Variants in PHF2 observed in about 807,000 individuals in gnomAD.
PHF2 encodes PHD finger protein 2.
In PHF2, 27 loss-of-function variants were observed where a neutral mutation model predicts 120.5. The ratio of observed to expected loss-of-function variants is 0.22; its 90% confidence interval spans 0.17 to 0.31. The LOEUF is 0.31. Ranked by LOEUF, PHF2 falls within the 10% of genes least tolerant of loss-of-function variation. The pLI is 1.00. For missense variants in PHF2, 1,024 were observed against 1,434.8 expected (o/e 0.71, Z 4.63); for synonymous variants, 568 against 592.5 (o/e 0.96, Z 0.60).
intron 1 of PHF2, among the ~76,000 whole-genome samples, chr9:93,615,199 A>ATGATGG (rs1327797937): frequency 2.5e-5 from 2 of 78,732 alleles, no homozygotes; most frequent in African/African-American, 4.7e-5. Flanking sequence ...GATGGTGATG[A>ATGATGG]TGATGGTGAT....
rs1239657429 is a variant in PHF2, at chr9:93,576,729, C to T, written c.-45C>T. 4.0e-6 allele frequency: 4 copies of T among 996,540 alleles called. No individual in the cohort carries two copies. Among genetic ancestry groups the T allele is most frequent in the Non-Finnish European group, 5.0e-6 (4 of 804,804 alleles). The allele number at this position is 996,540 out of a possible 1,614,324, so 61.7% of individuals were successfully genotyped here. On this transcript the variant is annotated 5_prime_UTR_variant, in exon 1 of 22. Transcript: ENST00000359246. ...GCCCCCGGCCCGGCCCGGACCGACCCGGGCAGCGCAGCGGCGGGGCCGAGC... is the reference window on the plus strand; with the variant it reads ...GCCCCCGGCCCGGCCCGGACCGACCTGGGCAGCGCAGCGGCGGGGCCGAGC...
chr9:93,595,457 A>C (rs10116422), intron 1 of PHF2, among the ~76,000 whole-genome samples: 67,168 of 152,070 alleles, frequency 0.44, 15,598 homozygotes, highest in African/African-American at 0.58. Flanking sequence ...TAAGGAATTT[A>C]TGAAAATATA....
At chr9:93,662,570 G>A (rs182312071) in intron 12 of PHF2, among the ~76,000 whole-genome samples, 4,747 of 143,330 alleles carry the variant, frequency 0.033, 93 homozygotes, top group South Asian at 0.047. Flanking sequence ...ATGGATGGAT[G>A]GATGAACAAA....
chr9:93,675,525 C>T (rs1471494918), intron 19 of PHF2, among the ~76,000 whole-genome samples, 155 bp from the exon 20 acceptor site: 4 of 152,252 alleles, frequency 2.6e-5, no homozygotes, highest in African/African-American at 9.6e-5. Flanking sequence ...GCTGACCCTG[C>T]CCTATTGTGA....
In PHF2 at chr9:93,580,138, A is replaced by C. The variant is rs543288955; in HGVS notation, c.98+3267A>C. Among the ~76,000 whole-genome samples the C allele has an allele frequency of 4.6e-5, 7 of 152,254 alleles. No individual in the cohort carries two copies. In the South Asian group the frequency reaches 1.5e-3, roughly 32 times the overall value. On this transcript the variant is annotated intron_variant, in intron 1 of 21. Coordinates refer to ENST00000359246, the MANE Select transcript of PHF2 (RefSeq NM_005392.4). The stretch of plus-strand genomic sequence containing the variant: ...TGTCCCTTCACCAAGTTCTCGCAAG[A>C]TTCCTCCTCCGGCCCCATCTTGACC...
At chr9:93,615,053 CGAT>C (rs1186850509) in intron 1 of PHF2, among the ~76,000 whole-genome samples, 16 of 122,968 alleles carry the variant, frequency 1.3e-4, no homozygotes, top group Middle Eastern at 8.2e-3. Flanking sequence ...ATGATGATGG[CGAT>C]GATGGTGACA....
At position 93,672,130 on chromosome 9, in the gene PHF2, G is replaced by A. The variant is rs530340421; in HGVS notation, c.2349-1455G>A. ...CAGGTGTAGATGCAGGTGTGGGTGC[G>A]GATGTAGGTACAGGTGTAGATGCAG... On this transcript the variant is annotated intron_variant, in intron 17 of 21. Transcript: ENST00000359246. 4.3e-3 allele frequency among the ~76,000 whole-genome samples: 414 copies of A among 96,790 alleles called. 30 individuals are homozygous for A. The highest frequency in any genetic ancestry group is 0.02 in the African/African-American group (388 of 19,468). The allele number at this position is 96,790 out of a possible 152,430, so 63.5% of individuals were successfully genotyped here. A position where few individuals can be genotyped will look rare whatever the true frequency, so the allele number is the denominator to read the frequency against.
chr9:93,667,359 GC>G, intron 17 of PHF2, 119 bp downstream of exon 17: 3 of 1,218,104 alleles, frequency 2.5e-6, no homozygotes, highest in Non-Finnish European at 3.4e-6. Context: ...GTGCTGAGCC[GC>G]CCCTGGGCCT....
At chr9:93,598,659 CACT>C (rs928217539) in intron 1 of PHF2, among the ~76,000 whole-genome samples, 1 of 152,148 alleles carries the variant, frequency 6.6e-6, no homozygotes, top group Admixed American at 6.5e-5. Context: ...TGGCAGGCCC[CACT>C]GAGGAGGGGC....
chr9:93,666,298 G>T (rs75520436), intron 16 of PHF2, among the ~76,000 whole-genome samples: 67 of 152,182 alleles, frequency 4.4e-4, no homozygotes, highest in Non-Finnish European at 7.2e-4. Context: ...GCCTCCTGCC[G>T]GGGGAGGTTA....
At chr9:93,630,145 G>T in intron 2 of PHF2, 90 bp downstream of exon 2, 4 of 1,352,794 alleles carry the variant, frequency 3.0e-6, no homozygotes, top group Non-Finnish European at 4.2e-6. Flanking sequence ...TCTCTGCTGG[G>T]CCTGGGCCCT....
chr9:93,593,922 T>G (rs192846081), intron 1 of PHF2, among the ~76,000 whole-genome samples: 2 of 152,346 alleles, frequency 1.3e-5, no homozygotes, highest in East Asian at 3.9e-4. Context: ...TACATTCCAA[T>G]TTGTTTTCCA....
chr9:93,623,509 T>C (rs1825857545), intron 1 of PHF2, among the ~76,000 whole-genome samples: 1 of 152,234 alleles, frequency 6.6e-6, no homozygotes, highest in Non-Finnish European at 1.5e-5. Context: ...GGCCTTTGCT[T>C]CTATTGGGCA....
At position 93,618,063 on chromosome 9, in the gene PHF2, C is replaced by T. The variant is rs529813332; in HGVS notation, c.99-11907C>T. On this transcript the variant is annotated intron_variant, in intron 1 of 21. Transcript: ENST00000359246. ...GTCTCATCACTGCCACACCCACTCACCTCTGTGTTTGAAATTTCTATTATC... is the reference window on the plus strand; with the variant it reads ...GTCTCATCACTGCCACACCCACTCATCTCTGTGTTTGAAATTTCTATTATC... Among the ~76,000 whole-genome samples, 14 of 152,376 alleles carry T rather than the reference C, an allele frequency of 9.2e-5. No homozygotes were observed. In the East Asian group the frequency reaches 2.7e-3, roughly 29 times the overall value.
At chr9:93,628,545 T>G (rs1825948990) in intron 1 of PHF2, among the ~76,000 whole-genome samples, 1 of 152,224 alleles carries the variant, frequency 6.6e-6, no homozygotes, top group East Asian at 1.9e-4. Flanking sequence ...GTTATAATCC[T>G]TTTTTATTTC....
rs752936273 is a variant in PHF2, at chr9:93,677,727, G to T, written c.*51G>T. ...CTCCGCTCAGGACCCCCGGAGCCCC[G>T]CGAAAACATCTGCCTCCCAGGAGGG... On this transcript the variant is annotated 3_prime_UTR_variant, in exon 22 of 22. Coordinates refer to ENST00000359246, the MANE Select transcript of PHF2 (RefSeq NM_005392.4). This position sits in a 1 kb window ranked among gnomAD's most constrained non-coding sequence, Gnocchi z 4.4. 5.7e-6 allele frequency: 8 copies of T among 1,415,154 alleles called. No homozygotes were observed. In the South Asian group the frequency reaches 7.1e-5, roughly 12 times the overall value. The allele number at this position is 1,415,154 out of a possible 1,614,324, so 87.7% of individuals were successfully genotyped here.
intron 1 of PHF2, among the ~76,000 whole-genome samples, chr9:93,581,182 T>G (rs541546291): frequency 6.6e-6 from 1 of 152,084 alleles, no homozygotes; most frequent in East Asian, 1.9e-4. Flanking sequence ...AGGGATGGAG[T>G]TGGCCTTTCT....
In PHF2 at chr9:93,648,874, A is replaced by G. The variant is rs907720378; in HGVS notation, c.461-197A>G. Among the ~76,000 whole-genome samples, 12 of 151,838 alleles carry G rather than the reference A, an allele frequency of 7.9e-5. 1 individual carries two copies. Among genetic ancestry groups the G allele is most frequent in the Non-Finnish European group, 1.5e-4 (10 of 67,950 alleles). On this transcript the variant is annotated intron_variant, in intron 4 of 21. Transcript: ENST00000359246. ...CCTCACAGCATCACCAGGTCAGAGG[A>G]GTGGTCAGAGTTGAGCCAGGGGAAA...
At chr9:93,674,311 C>A (rs988106030) in intron 18 of PHF2, among the ~76,000 whole-genome samples, 1 of 152,136 alleles carries the variant, frequency 6.6e-6, no homozygotes, top group Non-Finnish European at 1.5e-5. Flanking sequence ...TCCCCACCAG[C>A]CACAGGTCAT....
Sources: gnomAD v4.1 joint callset for allele counts (sites outside exome capture counted in the v4.1 genomes callset) on GRCh38, gnomAD v4.1.1 for gene constraint, Gnocchi (gnomAD v3.1) non-coding constraint, MANE v1.5 for transcripts, NCBI Gene and HGNC (gene_info 2026-07-23, HGNC 2026-07-21) for gene names.